The following PVT1 variants were observed in gnomAD, a reference collection of about 807,000 sequenced individuals.
PVT1 encodes the protein CXCR4/PVT1 fusion.
intron 5 of PVT1, among the ~76,000 whole-genome samples, chr8:128,070,980 A>ATGC (rs1813979237): frequency 6.6e-6 from 1 of 152,234 alleles, no homozygotes; most frequent in Non-Finnish European, 1.5e-5. Flanking sequence ...TTTTGCATGC[A>ATGC]TGCTGCCTCT....
intron 2 of PVT1, among the ~76,000 whole-genome samples, chr8:127,833,940 G>A (rs767752422): frequency 2.5e-4 from 38 of 152,140 alleles, no homozygotes; most frequent in Non-Finnish European, 5.0e-4. Context: ...TAGAGACTTA[G>A]GATGAGGCCT....
chr8:127,951,940 C>T (rs111370941), intron 3 of PVT1, among the ~76,000 whole-genome samples: 4 of 152,022 alleles, frequency 2.6e-5, no homozygotes, highest in African/African-American at 9.7e-5. Flanking sequence ...CTCAGCCTCC[C>T]GAGTAGCTGG....
At chr8:128,068,683 A>G (rs1214250376) in intron 4 of PVT1, among the ~76,000 whole-genome samples, 3 of 151,980 alleles carry the variant, frequency 2.0e-5, no homozygotes, top group African/African-American at 7.3e-5. Context: ...TTTAGTAGAA[A>G]CGGTTTCACC....
intron 2 of PVT1, among the ~76,000 whole-genome samples, chr8:127,815,546 C>T (rs1043734207): frequency 2.6e-5 from 4 of 152,110 alleles, no homozygotes; most frequent in Non-Finnish European, 5.9e-5. Flanking sequence ...TCAGTGCTTT[C>T]GGCAGCTTGA....
At chr8:127,814,933 G>A (rs759553177) in intron 2 of PVT1, among the ~76,000 whole-genome samples, 1 of 152,026 alleles carries the variant, frequency 6.6e-6, no homozygotes. Flanking sequence ...ATCCTTTTGT[G>A]ACTGGCTCAT....
intron 3 of PVT1, among the ~76,000 whole-genome samples, chr8:127,980,628 A>C (rs74390595): frequency 2.0e-5 from 3 of 152,206 alleles, no homozygotes; most frequent in Non-Finnish European, 4.4e-5. Flanking sequence ...ACCTTCATTG[A>C]CGTTTGAACT....
chr8:128,035,936 A>T (rs546883806), intron 4 of PVT1, among the ~76,000 whole-genome samples: 11 of 152,364 alleles, frequency 7.2e-5, no homozygotes, highest in African/African-American at 2.4e-4. Flanking sequence ...TTAGTTCCTT[A>T]TGACTTAGTT....
intron 4 of PVT1, among the ~76,000 whole-genome samples, chr8:128,036,186 C>T (rs74325961): frequency 6.6e-6 from 1 of 152,274 alleles, no homozygotes; most frequent in Admixed American, 6.5e-5. Flanking sequence ...AGTTAAGGGG[C>T]CTTTTGCCAT....
At chr8:127,929,189 T>C (rs1461918558) in intron 3 of PVT1, among the ~76,000 whole-genome samples, 3 of 129,610 alleles carry the variant, frequency 2.3e-5, no homozygotes, top group Non-Finnish European at 3.2e-5. Flanking sequence ...TTTCAGTTTT[T>C]CATTTTTCTG....
chr8:127,957,809 A>G (rs1260487362), intron 3 of PVT1, among the ~76,000 whole-genome samples: 1 of 152,226 alleles, frequency 6.6e-6, no homozygotes, highest in Non-Finnish European at 1.5e-5. Flanking sequence ...ACATGCACAC[A>G]CACACAAGGT....
intron 4 of PVT1, among the ~76,000 whole-genome samples, chr8:128,028,189 C>A (rs1173207746): frequency 6.6e-6 from 1 of 152,272 alleles, no homozygotes; most frequent in Non-Finnish European, 1.5e-5. Context: ...GCCAACCAAG[C>A]TGGCCCGAGC....
At chr8:128,089,734 T>A (rs1220792637) in intron 5 of PVT1, among the ~76,000 whole-genome samples, 1 of 152,204 alleles carries the variant, frequency 6.6e-6, no homozygotes, top group Admixed American at 6.5e-5. Flanking sequence ...TGTTTCTCCC[T>A]CTCTCTTTCT....
chr8:127,908,262 G>A (rs1815846913), intron 3 of PVT1, among the ~76,000 whole-genome samples: 1 of 151,514 alleles, frequency 6.6e-6, no homozygotes, highest in African/African-American at 2.4e-5. Flanking sequence ...TGAGGAGGGT[G>A]GATCTTCATT....
chr8:127,809,333 A>G (rs1586388501), intron 2 of PVT1, among the ~76,000 whole-genome samples: 1 of 152,160 alleles, frequency 6.6e-6, no homozygotes, highest in Non-Finnish European at 1.5e-5. Flanking sequence ...CTGGGACTAC[A>G]GGTGCATGGC....
intron 5 of PVT1, among the ~76,000 whole-genome samples, chr8:128,077,064 C>G (rs573370769): frequency 6.6e-6 from 1 of 152,162 alleles, no homozygotes; most frequent in Non-Finnish European, 1.5e-5. Context: ...CCCTAGGGGG[C>G]CCAATGAGGC....
At chr8:127,924,801 G>C (rs773486988) in intron 3 of PVT1, among the ~76,000 whole-genome samples, 2 of 151,966 alleles carry the variant, frequency 1.3e-5, no homozygotes, top group African/African-American at 2.4e-5. Context: ...GTGAACCACC[G>C]CACCAGACCC....
At chr8:127,795,605 A>G (rs1051333887) in intron 1 of PVT1, 1 of 150,528 alleles carries the variant, frequency 6.6e-6, no homozygotes, top group African/African-American at 2.4e-5. Context: ...CGCCCACTCC[A>G]CCACTGTGAA....
intron 3 of PVT1, among the ~76,000 whole-genome samples, chr8:127,896,102 T>G (rs1815671666): frequency 6.6e-6 from 1 of 152,252 alleles, no homozygotes. Context: ...ATATGCGCAG[T>G]GCTTTCATTA....
At chr8:128,068,289 C>T (rs1813936601) in intron 4 of PVT1, among the ~76,000 whole-genome samples, 1 of 152,066 alleles carries the variant, frequency 6.6e-6, no homozygotes, top group Non-Finnish European at 1.5e-5. Context: ...CTCTACCCTT[C>T]AGGCCTGCCT....
Sources: gnomAD v4.1 joint callset for allele counts (sites outside exome capture counted in the v4.1 genomes callset) on GRCh38, gnomAD v4.1.1 for gene constraint, MANE v1.5 for transcripts, NCBI Gene and HGNC (gene_info 2026-07-23, HGNC 2026-07-21) for gene names.